RLF: variants seen among roughly 807,000 people sequenced by gnomAD.
RLF encodes the protein zinc finger protein Rlf.
In RLF, 7 loss-of-function variants were observed where a neutral mutation model predicts 162.9. That is an observed-to-expected ratio of 0.04 (90% CI 0.02 to 0.08). The LOEUF is 0.08. Ranked by LOEUF, RLF falls within the 10% of genes least tolerant of loss-of-function variation. The probability of loss-of-function intolerance (pLI) is 1.00; values close to 1 mark genes in which losing one functional copy is unlikely to be tolerated. For missense variants in RLF, 1,664 were observed against 2,244.7 expected, an observed-to-expected ratio of 0.74 and a Z score of 5.23; for synonymous variants, 782 against 791.5, an observed-to-expected ratio of 0.99 and a Z score of 0.20.
At chr1:40,177,012 G>A (rs960491035) in intron 1 of RLF, among the ~76,000 whole-genome samples, 8 of 146,886 alleles carry the variant, frequency 5.4e-5, no homozygotes, top group African/African-American at 1.5e-4. Context: ...TTTTGAGACC[G>A]AGTCTCACTT....
Position 40,240,258 on chromosome 1 carries a change from A to G in RLF, c.5556A>G (p.Thr1852=), listed in dbSNP as rs773214918. 3 of 1,614,216 alleles carry G rather than the reference A, an allele frequency of 1.9e-6. No homozygotes were observed. The East Asian group carries it at 6.7e-5, about 36-fold the overall frequency. ...CACCTTTAATAGTAGCTGAAACAAC[A>G]ACAGTTCCTTCCTTGGAAAACCTGA... The part of the protein sequence containing the change: ...AIPPLIVAET[T]TVPSLENLRV... Residue 1852 remains threonine, a synonymous_variant, in exon 8 of 8, where the codon ACA becomes ACG. Coordinates refer to ENST00000372771, the MANE Select transcript of RLF (RefSeq NM_012421.4).
intron 1 of RLF, among the ~76,000 whole-genome samples, chr1:40,180,709 TC>T (rs1285288479): frequency 5.3e-5 from 8 of 152,234 alleles, no homozygotes; most frequent in Non-Finnish European, 7.3e-5. Flanking sequence ...AAATGTCTTT[TC>T]AAGTCTTCTG....
intron 5 of RLF, among the ~76,000 whole-genome samples, chr1:40,204,160 C>T (rs1210182122): frequency 2.6e-5 from 4 of 151,190 alleles, no homozygotes; most frequent in Admixed American, 6.6e-5. Flanking sequence ...GGATTACAGT[C>T]GCCCACCACC....
Position 40,238,812 on chromosome 1 carries a change from T to C in RLF, c.4110T>C (p.Asn1370=), listed in dbSNP as rs748129417. 1.2e-6 allele frequency: 2 copies of C among 1,613,586 alleles called. No homozygotes were observed. Among genetic ancestry groups the C allele is most frequent in the Admixed American group, 1.7e-5 (1 of 59,906 alleles). ...TTGCTTGCAAATATAAGGAATGTAATAAACGCTTCCTGTGTTCCAAAGCTC... is the reference window on the plus strand; with the variant it reads ...TTGCTTGCAAATATAAGGAATGTAACAAACGCTTCCTGTGTTCCAAAGCTC... ...KIFACKYKEC[N]KRFLCSKALA... Residue 1370 remains asparagine, a synonymous_variant, in exon 8 of 8, where the codon AAT becomes AAC. Coordinates refer to ENST00000372771, the MANE Select transcript of RLF (RefSeq NM_012421.4). The surrounding 1 kb of genome is among the most constrained non-coding windows in gnomAD (Gnocchi z 5.2).
chr1:40,179,549 TTTTTTTTTTTTGGTACTTTTATTGTG>T (rs1375664490), intron 1 of RLF, among the ~76,000 whole-genome samples: 2 of 147,870 alleles, frequency 1.4e-5, no homozygotes, highest in East Asian at 3.9e-4. Flanking sequence ...GTTAACTCTT[TTTTTTTTTTTTGGTACTTTTATTGTG>T]GTAAAGTATA....
chr1:40,165,936 C>G (rs904045446), intron 1 of RLF, among the ~76,000 whole-genome samples: 3 of 152,160 alleles, frequency 2.0e-5, no homozygotes, highest in African/African-American at 7.2e-5. Flanking sequence ...CTCACTCTGC[C>G]TAAATAACCC....
At chr1:40,178,485 G>A (rs1223828018) in intron 1 of RLF, among the ~76,000 whole-genome samples, 4 of 151,970 alleles carry the variant, frequency 2.6e-5, no homozygotes, top group Admixed American at 2.0e-4. Context: ...CGTTCGAGTG[G>A]CAGCACAACA....
intron 1 of RLF, among the ~76,000 whole-genome samples, chr1:40,168,991 C>G (rs982177531): frequency 3.3e-5 from 5 of 151,606 alleles, no homozygotes; most frequent in African/African-American, 9.7e-5. Flanking sequence ...AAAACTCCGT[C>G]TCAAAAAAAA....
intron 1 of RLF, among the ~76,000 whole-genome samples, chr1:40,169,190 A>T (rs1389983056): frequency 6.6e-6 from 1 of 152,146 alleles, no homozygotes; most frequent in African/African-American, 2.4e-5. Flanking sequence ...AGGTCCAGAG[A>T]CGTTAAGTAA....
intron 6 of RLF, among the ~76,000 whole-genome samples, chr1:40,229,127 C>T (rs976641067): frequency 6.6e-6 from 1 of 152,154 alleles, no homozygotes; most frequent in Non-Finnish European, 1.5e-5. Flanking sequence ...ACTCATTTAT[C>T]GTTATAATCA....
chr1:40,197,822 G>T (rs927828219), intron 4 of RLF, among the ~76,000 whole-genome samples: 1 of 152,150 alleles, frequency 6.6e-6, no homozygotes, highest in Non-Finnish European at 1.5e-5. Context: ...CAGGTCAAAA[G>T]ATTAAAAAGC....
chr1:40,186,220 G>C (rs1299919982), intron 1 of RLF, among the ~76,000 whole-genome samples: 1 of 152,058 alleles, frequency 6.6e-6, no homozygotes, highest in African/African-American at 2.4e-5. Context: ...TGTAGTCCCA[G>C]CTACTTGGGA....
chr1:40,220,683 C>A (rs1416056074), intron 5 of RLF, among the ~76,000 whole-genome samples: 1 of 152,176 alleles, frequency 6.6e-6, no homozygotes, highest in Non-Finnish European at 1.5e-5. Context: ...TAGCAAATGG[C>A]ACTGCTTTGC....
intron 1 of RLF, among the ~76,000 whole-genome samples, chr1:40,179,973 C>G (rs1406988587): frequency 5.3e-5 from 8 of 152,140 alleles, no homozygotes; most frequent in Non-Finnish European, 7.4e-5. Flanking sequence ...GGATATATCA[C>G]TTTTGTTCAT....
chr1:40,183,057 T>TG (rs1191137974), intron 1 of RLF, among the ~76,000 whole-genome samples: 1 of 152,156 alleles, frequency 6.6e-6, no homozygotes, highest in African/African-American at 2.4e-5. Flanking sequence ...GCATTTACTC[T>TG]GATCTGTTCT....
chr1:40,188,806 T>C (rs531405718), intron 1 of RLF, among the ~76,000 whole-genome samples: 2 of 152,296 alleles, frequency 1.3e-5, no homozygotes, highest in South Asian at 4.1e-4. Flanking sequence ...CAACTAGACA[T>C]TTTATGGCTC....
chr1:40,211,940 T>A (rs1642870964), intron 5 of RLF, among the ~76,000 whole-genome samples: 2 of 152,250 alleles, frequency 1.3e-5, no homozygotes, highest in African/African-American at 4.8e-5. Flanking sequence ...CTAGTCAGTC[T>A]CTTATCCTAG....
At chr1:40,208,709 C>T (rs1488820644) in intron 5 of RLF, among the ~76,000 whole-genome samples, 1 of 151,974 alleles carries the variant, frequency 6.6e-6, no homozygotes, top group African/African-American at 2.4e-5. Flanking sequence ...CCCAGCTACT[C>T]GGGAGGCTGA....
At chr1:40,172,416 AAC>A (rs1282472785) in intron 1 of RLF, among the ~76,000 whole-genome samples, 2 of 152,184 alleles carry the variant, frequency 1.3e-5, no homozygotes, top group Non-Finnish European at 2.9e-5. Flanking sequence ...TGTTATTATA[AAC>A]AGTGTCCCAT....
Sources: gnomAD v4.1 joint callset for allele counts (sites outside exome capture counted in the v4.1 genomes callset) on GRCh38, gnomAD v4.1.1 for gene constraint, Gnocchi (gnomAD v3.1) non-coding constraint, MANE v1.5 for transcripts, NCBI Gene and HGNC (gene_info 2026-07-23, HGNC 2026-07-21) for gene names.